Variants in MMS22L observed in about 807,000 individuals in gnomAD.
MMS22L encodes the protein protein MMS22-like.
In MMS22L, 74 loss-of-function variants were observed where a neutral mutation model predicts 159.1. The observed-to-expected ratio is 0.47, with a 90% CI of 0.39 to 0.56. The LOEUF (loss-of-function observed/expected upper bound fraction) is 0.56. Among genes scored for constraint, MMS22L ranks in the 20% least tolerant of loss-of-function variants. The pLI, the probability that MMS22L is intolerant of heterozygous loss-of-function variation, is 0.00. For synonymous variants in MMS22L, 517 were observed against 506.9 expected, an observed-to-expected ratio of 1.02 and a Z score of -0.27; for missense variants, 1,351 against 1,422.1, an observed-to-expected ratio of 0.95 and a Z score of 0.80.
chr6:97,215,114 A>ATT (rs1554266841), intron 14 of MMS22L, among the ~76,000 whole-genome samples: 176 of 87,216 alleles, frequency 2.0e-3, no homozygotes, highest in Middle Eastern at 6.4e-3. Flanking sequence ...ATATATATAT[A>ATT]TTTTTTTTTT....
chr6:97,279,181 T>C (rs1304326388), intron 3 of MMS22L, among the ~76,000 whole-genome samples: 3 of 152,218 alleles, frequency 2.0e-5, no homozygotes, highest in Non-Finnish European at 4.4e-5. Context: ...AGCAAGATAC[T>C]GTTTATATCT....
At chr6:97,215,097 T>TAC (rs1406820473) in intron 14 of MMS22L, among the ~76,000 whole-genome samples, 8 of 81,952 alleles carry the variant, frequency 9.8e-5, no homozygotes, top group South Asian at 4.0e-4. Flanking sequence ...TTTAAATATA[T>TAC]ATATATATAT....
intron 10 of MMS22L, among the ~76,000 whole-genome samples, chr6:97,253,131 G>C (rs1197219118): frequency 3.3e-5 from 5 of 152,154 alleles, no homozygotes; most frequent in Non-Finnish European, 5.9e-5. Flanking sequence ...GAACTTCTCA[G>C]AGCAATTTCT....
At position 97,145,231 on chromosome 6, in the gene MMS22L, C is replaced by T. The variant is rs1205592179; in HGVS notation, c.*1575G>A. 4 of 152,062 alleles carry T rather than the reference C, an allele frequency of 2.6e-5. No individual in the cohort carries two copies. The highest frequency in any genetic ancestry group is 9.7e-5 in the African/African-American group (4 of 41,408). 9.4% of individuals were successfully genotyped at this position (152,062 alleles called of 1,614,324 possible). On this transcript the variant is annotated 3_prime_UTR_variant, in exon 25 of 25. Transcript: ENST00000683635. ...ATGAAGTCTATTAAACAGCCTTAAGCTTTCATTTATTCCCTTTGATGAAGC... is the reference window on the plus strand; with the variant it reads ...ATGAAGTCTATTAAACAGCCTTAAGTTTTCATTTATTCCCTTTGATGAAGC...
chr6:97,173,671 A>C (rs1356075773), intron 18 of MMS22L, among the ~76,000 whole-genome samples: 2 of 152,104 alleles, frequency 1.3e-5, no homozygotes, highest in Non-Finnish European at 2.9e-5. Context: ...AACCTCTAAA[A>C]AGTTCAGCTT....
intron 22 of MMS22L, among the ~76,000 whole-genome samples, chr6:97,154,855 T>C (rs1189777579): frequency 3.3e-5 from 5 of 152,204 alleles, no homozygotes; most frequent in African/African-American, 1.2e-4. Flanking sequence ...TTGATTACTG[T>C]TGCTTTGTAA....
intron 14 of MMS22L, among the ~76,000 whole-genome samples, chr6:97,212,821 A>G (rs1475023710): frequency 6.6e-6 from 1 of 152,216 alleles, no homozygotes; most frequent in Non-Finnish European, 1.5e-5. Context: ...AATGGTTTTG[A>G]CAATGGATAT....
intron 10 of MMS22L, among the ~76,000 whole-genome samples, chr6:97,247,995 A>C (rs1812850427): frequency 6.6e-6 from 1 of 152,212 alleles, no homozygotes; most frequent in Admixed American, 6.5e-5. Flanking sequence ...TCAGCCTCTA[A>C]GATGTCCCCC....
intron 14 of MMS22L, among the ~76,000 whole-genome samples, chr6:97,204,262 A>T (rs1807509379): frequency 6.6e-6 from 1 of 152,192 alleles, no homozygotes. Context: ...CCTTCAATAG[A>T]ACTGACATCT....
intron 22 of MMS22L, among the ~76,000 whole-genome samples, chr6:97,153,317 C>T (rs925843332): frequency 6.6e-5 from 10 of 151,168 alleles, no homozygotes; most frequent in Non-Finnish European, 1.2e-4. Context: ...TTAGCTATCC[C>T]GATTCCTTCT....
At chr6:97,280,133 A>T (rs1816628693) in intron 3 of MMS22L, among the ~76,000 whole-genome samples, 1 of 152,190 alleles carries the variant, frequency 6.6e-6, no homozygotes, top group African/African-American at 2.4e-5. Flanking sequence ...ATACAGTTTA[A>T]GTCTCTTCAA....
Position 97,272,691 on chromosome 6 carries a change from A to C in MMS22L, c.606+13T>G, listed in dbSNP as rs200808076. 2 of 1,594,790 alleles carry C rather than the reference A, an allele frequency of 1.3e-6. No homozygotes were observed. The highest frequency in any genetic ancestry group is 1.7e-6 in the Non-Finnish European group (2 of 1,171,130). ...AAGCTGATAATTTAAAAATCAAATG[A>C]AACAAGTCAAACCTTAATCTGGTTT... On this transcript the variant is annotated intron_variant, in intron 6 of 24. Transcript: ENST00000683635.
chr6:97,180,552 T>C (rs1804605789), intron 16 of MMS22L, among the ~76,000 whole-genome samples: 1 of 152,164 alleles, frequency 6.6e-6, no homozygotes, highest in African/African-American at 2.4e-5. Flanking sequence ...CGAATATAAG[T>C]TGTCATAAAA....
chr6:97,236,326 A>AT (rs1811402970), intron 11 of MMS22L, among the ~76,000 whole-genome samples: 1 of 144,810 alleles, frequency 6.9e-6, no homozygotes, highest in Non-Finnish European at 1.5e-5. Flanking sequence ...CTTTCTCCAA[A>AT]AAAAAAAAAA....
chr6:97,278,684 C>G (rs1199190789), intron 4 of MMS22L, among the ~76,000 whole-genome samples, 165 bp downstream of exon 4: 1 of 152,138 alleles, frequency 6.6e-6, no homozygotes, highest in Non-Finnish European at 1.5e-5. Context: ...TCAGCTACAA[C>G]AAAATTTAAA....
intron 14 of MMS22L, among the ~76,000 whole-genome samples, chr6:97,219,423 A>C (rs544152625): frequency 6.6e-6 from 1 of 152,190 alleles, no homozygotes; most frequent in Non-Finnish European, 1.5e-5. Context: ...TATCCACTAC[A>C]TTATCCACTA....
rs895374090 is a variant in MMS22L, at chr6:97,282,295, GTC to G, written c.164+17_164+18del. The G allele has an allele frequency of 6.2e-7, 1 of 1,611,204 alleles. No individual in the cohort carries two copies. The highest frequency in any genetic ancestry group is 2.2e-5 in the East Asian group (1 of 44,858). ...GGTGAATAATCAGATGAGGGAAAAT[GTC>G]TCTGAGTTTTACCTACCGCTTAAGG... is the stretch of plus-strand genomic sequence containing the variant. On this transcript the variant is annotated intron_variant, in intron 2 of 24. Coordinates refer to ENST00000683635, the MANE Select transcript of MMS22L (RefSeq NM_001350599.2).
intron 4 of MMS22L, among the ~76,000 whole-genome samples, chr6:97,276,842 C>G (rs7740887): frequency 0.36 from 54,107 of 151,970 alleles, 10,944 homozygotes; most frequent in East Asian, 0.79. Flanking sequence ...CCTTTATCAC[C>G]GTACCTTTTC....
At position 97,165,392 on chromosome 6, in the gene MMS22L, A is replaced by G; in HGVS notation, c.3075T>C (p.Asn1025=). The G allele has an allele frequency of 6.8e-6, 11 of 1,613,326 alleles. No individual in the cohort carries two copies. Among genetic ancestry groups the G allele is most frequent in the Non-Finnish European group, 9.3e-6 (11 of 1,179,588 alleles). Residue 1025 remains asparagine, a synonymous_variant, in exon 21 of 25, where the codon AAT becomes AAC. Coordinates refer to ENST00000683635, the MANE Select transcript of MMS22L (RefSeq NM_001350599.2). ...PNAYLNQLLG[N]VIEQYIGRFL... is the part of the protein sequence containing the mutation. Reference sequence around the variant, plus strand: ...ATCGCCCAATATACTGCTCAATAACATTCCCTAGCAATTGATTCAAATAGG... The same window carrying G: ...ATCGCCCAATATACTGCTCAATAACGTTCCCTAGCAATTGATTCAAATAGG...
Sources: allele counts gnomAD v4.1 joint callset (sites outside exome capture counted in the v4.1 genomes callset), GRCh38; gene constraint gnomAD v4.1.1; transcripts MANE v1.5; gene names NCBI Gene and HGNC (gene_info 2026-07-23, HGNC 2026-07-21).